The following CCDC102B variants were observed in gnomAD, a reference collection of about 807,000 sequenced individuals.
CCDC102B encodes coiled-coil domain-containing protein 102B.
Under a neutral mutation model 57.4 loss-of-function variants are expected in CCDC102B, and 75 were observed. That is an observed-to-expected ratio of 1.31 (90% CI 1.08 to 1.58). The LOEUF is 1.58. CCDC102B is among the 40% of genes most tolerant of loss of function. The pLI, the probability that CCDC102B is intolerant of heterozygous loss-of-function variation, is 0.00. For missense variants in CCDC102B, 636 were observed against 582.6 expected, an observed-to-expected ratio of 1.09 and a Z score of -0.94; for synonymous variants, 206 against 201.9, an observed-to-expected ratio of 1.02 and a Z score of -0.17.
At chr18:69,030,612 G>A (rs192444965) in intron 7 of CCDC102B, among the ~76,000 whole-genome samples, 3 of 152,184 alleles carry the variant, frequency 2.0e-5, no homozygotes, top group Admixed American at 6.5e-5. Context: ...TATAGGTTAC[G>A]TATTCAAATG....
intron 4 of CCDC102B, among the ~76,000 whole-genome samples, chr18:68,859,864 C>T (rs2038652572): frequency 1.4e-5 from 1 of 73,786 alleles, no homozygotes; most frequent in Non-Finnish European, 3.4e-5. Context: ...GGACTGTAAA[C>T]TAGTTCAACC....
chr18:68,842,653 A>G (rs1017775185), intron 3 of CCDC102B, among the ~76,000 whole-genome samples: 1 of 152,070 alleles, frequency 6.6e-6, no homozygotes, highest in African/African-American at 2.4e-5. Flanking sequence ...TTGTTTCCAG[A>G]GGCAGCGGTG....
chr18:68,991,747 A>T (rs1276666901), intron 6 of CCDC102B, among the ~76,000 whole-genome samples: 1 of 152,248 alleles, frequency 6.6e-6, no homozygotes, highest in Non-Finnish European at 1.5e-5. Flanking sequence ...GTTAAATATC[A>T]CACTGAGTCA....
At chr18:68,925,577 T>C (rs2041449796) in intron 6 of CCDC102B, among the ~76,000 whole-genome samples, 1 of 152,056 alleles carries the variant, frequency 6.6e-6, no homozygotes, top group Admixed American at 6.6e-5. Flanking sequence ...TGCTTTGTGG[T>C]AGCAACACCT....
rs138979114 is a variant in CCDC102B at position 68,995,902 on chromosome 18, A to G, written c.1264-15032A>G. Among the ~76,000 whole-genome samples the G allele has an allele frequency of 5.8e-3, 877 of 152,268 alleles. 7 individuals are homozygous for G. Among genetic ancestry groups the G allele is most frequent in the Non-Finnish European group, 7.2e-3 (488 of 68,028 alleles). On this transcript the variant is annotated intron_variant, in intron 6 of 7. Coordinates refer to ENST00000360242, the MANE Select transcript of CCDC102B (RefSeq NM_024781.3). ...ATGCCAGCCCATGAAAGCAGCCGCA[A>G]TGGGGCTGGTACCCTGCAAAGCCAC... is the stretch of plus-strand genomic sequence containing the variant.
intron 6 of CCDC102B, among the ~76,000 whole-genome samples, chr18:68,967,274 A>T (rs1202700200): frequency 6.6e-6 from 1 of 152,180 alleles, no homozygotes; most frequent in African/African-American, 2.4e-5. Context: ...CTGCCATCTT[A>T]TAAAGTATAT....
Position 69,054,828 on chromosome 18 carries a change from G to A in CCDC102B, c.*691G>A. The A allele has an allele frequency of 4.1e-6, 4 of 985,258 alleles. No homozygotes were observed. Among genetic ancestry groups the A allele is most frequent in the Non-Finnish European group, 4.8e-6 (4 of 829,902 alleles). The allele number at this position is 985,258 out of a possible 1,614,324, so 61.0% of individuals were successfully genotyped here. A position where few individuals can be genotyped will look rare whatever the true frequency, so the allele number is the denominator to read the frequency against. On this transcript the variant is annotated 3_prime_UTR_variant, in exon 8 of 8. Coordinates refer to ENST00000360242, the MANE Select transcript of CCDC102B (RefSeq NM_024781.3). The stretch of plus-strand genomic sequence containing the variant: ...CATTTCTACAGTAAAATCATGGAAA[G>A]GCATCAGCATTGCAAAGTAGCATCT...
At chr18:68,999,256 T>C (rs959657800) in intron 6 of CCDC102B, among the ~76,000 whole-genome samples, 5 of 151,830 alleles carry the variant, frequency 3.3e-5, no homozygotes, top group Non-Finnish European at 7.4e-5. Context: ...AGAGATCTGG[T>C]CTATAGGTTG....
chr18:68,956,583 AATATTATATAT>A lies in CCDC102B; in HGVS notation c.1264-54335_1264-54325del, dbSNP rs1568352903. On this transcript the variant is annotated intron_variant, in intron 6 of 7. Coordinates refer to ENST00000360242, the MANE Select transcript of CCDC102B (RefSeq NM_024781.3). ...ATATATTATATATTTTATATATATA[AATATTATATAT>A]ATATTATATATATATAAAATATATA... Among the ~76,000 whole-genome samples, 69 of 46,656 alleles carry A rather than the reference AATATTATATAT, an allele frequency of 1.5e-3. 3 individuals are homozygous for A. The highest frequency in any genetic ancestry group is 2.1e-3 in the Non-Finnish European group (59 of 27,690). The allele number at this position is 46,656 out of a possible 152,430, so 30.6% of individuals were successfully genotyped here.
rs2037435011 is a variant in CCDC102B, at chr18:68,837,471, C to T, written c.606+102C>T. The T allele has an allele frequency of 3.6e-6, 4 of 1,101,896 alleles. No individual in the cohort carries two copies. In the Admixed American group the frequency reaches 6.8e-5, roughly 19 times the overall value. 68.3% of individuals were successfully genotyped at this position (1,101,896 alleles called of 1,614,324 possible). A position where few individuals can be genotyped will look rare whatever the true frequency, so the allele number is the denominator to read the frequency against. On this transcript the variant is annotated intron_variant, in intron 2 of 7. Transcript: ENST00000360242. ...ATGCAATGGTGATTATACTAGCCTG[C>T]CAGGGCTACCATAACAAAGTACCAT... is the stretch of plus-strand genomic sequence containing the variant.
At position 68,836,840 on chromosome 18, in the gene CCDC102B, G is replaced by C; in HGVS notation, c.77G>C (p.Arg26Pro). Residue 26 changes from arginine to proline, a missense_variant, in exon 2 of 8, where the codon CGC (arginine) becomes CCC (proline). Transcript: ENST00000360242. ...ATGCAACAATCATCAATTAAGTCAC[G>C]CGGCGACATGGTGGCACCTGCCTCA... is the stretch of plus-strand genomic sequence containing the variant. Reference protein sequence around the residue: ...FQMQQSSIKSRGDMVAPASPP... With the variant: ...FQMQQSSIKSPGDMVAPASPP... 6.2e-7 allele frequency: 1 copy of C among 1,613,946 alleles called. No homozygotes were observed.
chr18:68,916,065 T>A (rs1255023986), intron 6 of CCDC102B, among the ~76,000 whole-genome samples: 1 of 152,204 alleles, frequency 6.6e-6, no homozygotes, highest in Admixed American at 6.5e-5. Flanking sequence ...TTAGTTAGCA[T>A]CTATTCCTTC....
At chr18:69,014,930 G>T (rs2051619353) in intron 7 of CCDC102B, among the ~76,000 whole-genome samples, 1 of 150,920 alleles carries the variant, frequency 6.6e-6, no homozygotes, top group African/African-American at 2.4e-5. Context: ...GTGACGAAGT[G>T]AGTGGCCTGC....
upstream of CCDC102B, among the ~76,000 whole-genome samples, chr18:68,794,960 CA>C (rs1186784998): frequency 6.8e-6 from 1 of 146,512 alleles, no homozygotes; most frequent in African/African-American, 2.5e-5. Context: ...GAGAAAGCTG[CA>C]AGTAAGACAG....
chr18:69,046,154 A>C (rs775001320), intron 7 of CCDC102B, among the ~76,000 whole-genome samples: 5 of 152,098 alleles, frequency 3.3e-5, no homozygotes, highest in Non-Finnish European at 5.9e-5. Flanking sequence ...TTCTGTTTTA[A>C]GTATTTGGAG....
chr18:68,897,374 C>A lies in CCDC102B; in HGVS notation c.1209C>A (p.Asn403Lys). The A allele has an allele frequency of 6.2e-7, 1 of 1,612,740 alleles. No individual in the cohort carries two copies. Among genetic ancestry groups the A allele is most frequent in the Non-Finnish European group, 8.5e-7 (1 of 1,179,214 alleles). Reference protein sequence around the residue: ...LLDKKNRLSANSQSPDFKMSQ... With the variant: ...LLDKKNRLSAKSQSPDFKMSQ... ...ATAAGAAAAATAGATTAAGTGCAAACTCTCAAAGTCCTGATTTCAAGATGT... is the reference window on the plus strand; with the variant it reads ...ATAAGAAAAATAGATTAAGTGCAAAATCTCAAAGTCCTGATTTCAAGATGT... Residue 403 changes from asparagine (N) to lysine (K), a missense_variant, in exon 6 of 8, where the codon AAC (asparagine) becomes AAA (lysine). Asn to Lys is a moderately conservative substitution (Grantham distance 94). Coordinates refer to ENST00000360242, the MANE Select transcript of CCDC102B (RefSeq NM_024781.3).
At chr18:68,832,928 G>T (rs1476538160) in intron 1 of CCDC102B, among the ~76,000 whole-genome samples, 1 of 152,094 alleles carries the variant, frequency 6.6e-6, no homozygotes, top group Non-Finnish European at 1.5e-5. Flanking sequence ...GGATGGACAG[G>T]CCTGGACCTC....
At chr18:69,046,608 A>T (rs149526932) in intron 7 of CCDC102B, among the ~76,000 whole-genome samples, 3,099 of 151,994 alleles carry the variant, frequency 0.02, 102 homozygotes, top group African/African-American at 0.07. Context: ...TTAGATCCCA[A>T]TTGTCAATTT....
chr18:69,023,047 T>C (rs1406853951), intron 7 of CCDC102B, among the ~76,000 whole-genome samples: 1 of 151,704 alleles, frequency 6.6e-6, no homozygotes, highest in Non-Finnish European at 1.5e-5. Flanking sequence ...GATCGATGAC[T>C]GCAATTGAAT....
Sources: allele counts gnomAD v4.1 joint callset (sites outside exome capture counted in the v4.1 genomes callset), GRCh38; gene constraint gnomAD v4.1.1; transcripts MANE v1.5; gene names NCBI Gene and HGNC (gene_info 2026-07-23, HGNC 2026-07-21).